The following CCDC7 variants were observed in gnomAD, a reference collection of about 807,000 sequenced individuals.
The protein encoded by CCDC7 is coiled-coil domain containing 7.
CCDC7 carries 183 observed loss-of-function variants against 196.9 expected under a neutral mutation model. The ratio of observed to expected loss-of-function variants is 0.93; its 90% CI spans 0.82 to 1.05. The LOEUF is 1.05. Ranked by LOEUF, CCDC7 falls within the 50% of genes least tolerant of loss-of-function variation. The pLI, the probability that CCDC7 is intolerant of heterozygous loss-of-function variation, is 0.00. For missense variants in CCDC7, 1,540 were observed against 1,482.2 expected (o/e 1.04, Z -0.64); for synonymous variants, 525 against 484.6 (o/e 1.08, Z -1.10).
At chr10:32,482,085 T>C (rs1403224268) in intron 8 of CCDC7, among the ~76,000 whole-genome samples, 1 of 152,070 alleles carries the variant, frequency 6.6e-6, no homozygotes, top group Non-Finnish European at 1.5e-5. Flanking sequence ...TCAAATAAGC[T>C]TTCTGCCCCT....
chr10:32,629,027 A>G (rs1470240857), intron 18 of CCDC7, among the ~76,000 whole-genome samples: 1 of 152,128 alleles, frequency 6.6e-6, no homozygotes, highest in Non-Finnish European at 1.5e-5. Flanking sequence ...GATCTAAAGT[A>G]TAGTTCAAGT....
At chr10:32,625,898 G>GA (rs1332434531) in intron 18 of CCDC7, among the ~76,000 whole-genome samples, 1 of 151,978 alleles carries the variant, frequency 6.6e-6, no homozygotes, top group Non-Finnish European at 1.5e-5. Context: ...GCAAGTGACA[G>GA]AATTCCATTT....
chr10:32,603,585 C>CT (rs34143127), intron 18 of CCDC7, among the ~76,000 whole-genome samples: 71,857 of 142,700 alleles, frequency 0.5, 18,448 homozygotes, highest in African/African-American at 0.62. Flanking sequence ...TGTGATAGTT[C>CT]TTTTTTTTTT....
At chr10:32,766,192 C>A (rs77011951) in intron 28 of CCDC7, among the ~76,000 whole-genome samples, 8,071 of 152,012 alleles carry the variant, frequency 0.053, 716 homozygotes, top group African/African-American at 0.18. Context: ...TGGAATGGGA[C>A]GTGTCAAGAT....
intron 8 of CCDC7, among the ~76,000 whole-genome samples, chr10:32,488,617 A>G (rs867933082): frequency 3.3e-5 from 5 of 152,076 alleles, no homozygotes; most frequent in Non-Finnish European, 7.4e-5. Context: ...CTATTTGGCC[A>G]TCTTGGCTCC....
intron 5 of CCDC7, among the ~76,000 whole-genome samples, chr10:32,466,708 A>G (rs1256989852): frequency 6.6e-6 from 1 of 152,170 alleles, no homozygotes; most frequent in Non-Finnish European, 1.5e-5. Flanking sequence ...TGTCTTTGCT[A>G]TTGTGAATAG....
At chr10:32,706,051 T>G (rs1337572896) in intron 24 of CCDC7, among the ~76,000 whole-genome samples, 3 of 152,100 alleles carry the variant, frequency 2.0e-5, no homozygotes, top group Non-Finnish European at 4.4e-5. Flanking sequence ...TATTCCAAAA[T>G]TGACTACATA....
intron 24 of CCDC7, 139 bp downstream of exon 25, chr10:32,695,131 C>T (rs750721323): frequency 2.2e-5 from 9 of 406,148 alleles, no homozygotes; most frequent in Non-Finnish European, 4.0e-5. Context: ...CTTAAAATAA[C>T]TAGAGAACAA....
At chr10:32,509,725 A>G (rs745372089) in intron 9 of CCDC7, among the ~76,000 whole-genome samples, 26 of 152,334 alleles carry the variant, frequency 1.7e-4, no homozygotes, top group Non-Finnish European at 3.1e-4. Context: ...AAGTAATTAA[A>G]GGACTTGAAT....
chr10:32,722,651 A>G (rs960208411), intron 25 of CCDC7, among the ~76,000 whole-genome samples: 8 of 152,044 alleles, frequency 5.3e-5, no homozygotes, highest in Non-Finnish European at 1.0e-4. Context: ...GACATCATTT[A>G]TATTGAATTA....
chr10:32,729,223 C>T, intron 27 of CCDC7, 109 bp from the exon 29 acceptor site: 1 of 1,134,120 alleles, frequency 8.8e-7, no homozygotes, highest in Non-Finnish European at 1.3e-6. Context: ...CACACATGCT[C>T]ATGAAAACTA....
intron 18 of CCDC7, among the ~76,000 whole-genome samples, chr10:32,603,767 A>G (rs1368765514): frequency 6.6e-6 from 1 of 151,996 alleles, no homozygotes; most frequent in Non-Finnish European, 1.5e-5. Flanking sequence ...AGAAATGTCT[A>G]TTTAGATTTT....
intron 21 of CCDC7, among the ~76,000 whole-genome samples, chr10:32,669,968 A>G (rs2073727918): frequency 6.6e-6 from 1 of 152,162 alleles, no homozygotes; most frequent in Admixed American, 6.6e-5. Context: ...CTTGGTGAGC[A>G]TGGAGTCAAT....
At chr10:32,758,100 A>G (rs1272914662) in intron 28 of CCDC7, among the ~76,000 whole-genome samples, 1 of 152,224 alleles carries the variant, frequency 6.6e-6, no homozygotes, top group Non-Finnish European at 1.5e-5. Context: ...AAATGGAGGC[A>G]ATAATTAATA....
chr10:32,630,616 C>CA (rs995676361), intron 18 of CCDC7, among the ~76,000 whole-genome samples: 5 of 152,024 alleles, frequency 3.3e-5, no homozygotes, highest in Admixed American at 1.3e-4. Context: ...ATCTCCCAGA[C>CA]AAAAAATCAA....
At chr10:32,867,749 A>T (rs929871453) in intron 41 of CCDC7, among the ~76,000 whole-genome samples, 2 of 151,826 alleles carry the variant, frequency 1.3e-5, no homozygotes, top group Non-Finnish European at 2.9e-5. Context: ...AAATTATTTT[A>T]AAAATTTTAG....
intron 24 of CCDC7, among the ~76,000 whole-genome samples, chr10:32,698,514 C>T (rs1009807484): frequency 1.3e-5 from 2 of 151,970 alleles, no homozygotes; most frequent in Admixed American, 1.3e-4. Context: ...CTTAAATAAC[C>T]TGGTGGAGCT....
intron 20 of CCDC7, among the ~76,000 whole-genome samples, chr10:32,641,394 C>A (rs767540252): frequency 1.3e-5 from 2 of 152,168 alleles, no homozygotes; most frequent in African/African-American, 2.4e-5. Context: ...CACTTCATTT[C>A]ATTCATTTGA....
At chr10:32,682,489 G>T (rs957653773) in intron 21 of CCDC7, among the ~76,000 whole-genome samples, 3 of 152,174 alleles carry the variant, frequency 2.0e-5, no homozygotes, top group Non-Finnish European at 4.4e-5. Context: ...ATGGTAAAAT[G>T]ATTTATATTC....
Sources: gnomAD v4.1 joint callset for allele counts (sites outside exome capture counted in the v4.1 genomes callset) on GRCh38, gnomAD v4.1.1 for gene constraint, MANE v1.5 for transcripts, NCBI Gene and HGNC (gene_info 2026-07-23, HGNC 2026-07-21) for gene names.